The following CCSER1 variants were observed in gnomAD, a reference collection of about 807,000 sequenced individuals.
CCSER1 encodes serine-rich coiled-coil domain-containing protein 1.
In CCSER1, 41 loss-of-function variants were observed where a neutral mutation model predicts 82.0. That is an observed-to-expected ratio of 0.50 (90% confidence interval 0.39 to 0.65). The LOEUF (loss-of-function observed/expected upper bound fraction) is 0.65, where lower values mean the gene tolerates loss of function less well. Ranked by LOEUF, CCSER1 falls within the 30% of genes least tolerant of loss-of-function variation. The pLI is 0.00. For synonymous variants in CCSER1, 414 were observed against 383.9 expected (o/e 1.08, Z -0.92); for missense variants, 1,119 against 1,064.2 (o/e 1.05, Z -0.72).
At chr4:91,121,773 C>T (rs577075427) in intron 10 of CCSER1, among the ~76,000 whole-genome samples, 1 of 151,596 alleles carries the variant, frequency 6.6e-6, no homozygotes, top group South Asian at 2.1e-4. Context: ...TATGCTAGCA[C>T]TATAGTTATC....
chr4:90,636,002 AAAT>A (rs1368156060), intron 6 of CCSER1, among the ~76,000 whole-genome samples: 1 of 151,858 alleles, frequency 6.6e-6, no homozygotes, highest in Non-Finnish European at 1.5e-5. Flanking sequence ...AATTAAAAAC[AAAT>A]AATAAGCCCA....
Position 91,452,755 on chromosome 4 carries a change from C to T in CCSER1, c.2218-145817C>T, listed in dbSNP as rs1448603390. 2.0e-5 allele frequency among the ~76,000 whole-genome samples: 3 copies of T among 152,054 alleles called. No homozygotes were observed. The East Asian group carries it at 5.8e-4, about 29-fold the overall frequency. ...AAGCTAATAAAGACTGGAGACCTCA[C>T]TTTGTTCTTGACAAGCACTGTTGAG... is the stretch of plus-strand genomic sequence containing the variant. On this transcript the variant is annotated intron_variant, in intron 10 of 10. Transcript: ENST00000509176.
At chr4:90,333,045 TTGTC>T (rs1739615543) in intron 3 of CCSER1, among the ~76,000 whole-genome samples, 1 of 152,182 alleles carries the variant, frequency 6.6e-6, no homozygotes, top group African/African-American at 2.4e-5. Flanking sequence ...TAATTCATGA[TTGTC>T]TGGTTTTTCA....
chr4:90,508,896 G>T (rs898902907), intron 5 of CCSER1, among the ~76,000 whole-genome samples: 1 of 151,926 alleles, frequency 6.6e-6, no homozygotes, highest in Admixed American at 6.6e-5. Flanking sequence ...TAAATTTGGG[G>T]TATCTGATTT....
At chr4:90,453,671 C>T (rs923673480) in intron 4 of CCSER1, among the ~76,000 whole-genome samples, 15 of 152,126 alleles carry the variant, frequency 9.9e-5, no homozygotes. Flanking sequence ...GCCAAAATAT[C>T]CCTGCCCAAG....
intron 1 of CCSER1, among the ~76,000 whole-genome samples, chr4:90,180,231 G>GT (rs1733481054): frequency 6.6e-6 from 1 of 151,796 alleles, no homozygotes; most frequent in Admixed American, 6.6e-5. Context: ...ACTGCAGACA[G>GT]TTTTTTAGAG....
At chr4:91,386,225 T>A (rs1293921599) in intron 10 of CCSER1, among the ~76,000 whole-genome samples, 3 of 151,850 alleles carry the variant, frequency 2.0e-5, no homozygotes, top group Non-Finnish European at 4.4e-5. Context: ...TGATGTCAGA[T>A]AATAAATGTT....
At chr4:91,168,347 G>A (rs1474028734) in intron 10 of CCSER1, among the ~76,000 whole-genome samples, 1 of 145,222 alleles carries the variant, frequency 6.9e-6, no homozygotes, top group Non-Finnish European at 1.5e-5. Context: ...GGGAAGTGAG[G>A]AGCGCCTCTG....
chr4:90,560,445 G>A (rs1778634678), intron 5 of CCSER1, among the ~76,000 whole-genome samples: 1 of 152,072 alleles, frequency 6.6e-6, no homozygotes. Flanking sequence ...GCTCCAAAAT[G>A]CCCAGTCCAG....
At chr4:91,074,640 C>T (rs1187156599) in intron 9 of CCSER1, among the ~76,000 whole-genome samples, 1 of 152,130 alleles carries the variant, frequency 6.6e-6, no homozygotes, top group Non-Finnish European at 1.5e-5. Context: ...GTTCAAGTCC[C>T]CAAACTGACA....
chr4:91,440,496 A>T (rs1755045009), intron 10 of CCSER1, among the ~76,000 whole-genome samples: 1 of 152,220 alleles, frequency 6.6e-6, no homozygotes, highest in South Asian at 2.1e-4. Context: ...TTATAGCACT[A>T]AATGCCCACA....
At chr4:90,812,182 T>G (rs1758439919) in intron 7 of CCSER1, among the ~76,000 whole-genome samples, 1 of 149,908 alleles carries the variant, frequency 6.7e-6, no homozygotes, top group Non-Finnish European at 1.5e-5. Context: ...TAGGCCACTC[T>G]CTCTTTTCAC....
At chr4:91,110,116 C>A (rs939229779) in intron 10 of CCSER1, among the ~76,000 whole-genome samples, 1 of 151,908 alleles carries the variant, frequency 6.6e-6, no homozygotes, top group Non-Finnish European at 1.5e-5. Flanking sequence ...CAAACCATAT[C>A]ATCAGTGTTG....
intron 1 of CCSER1, among the ~76,000 whole-genome samples, chr4:90,208,891 A>G (rs952924618): frequency 6.6e-6 from 1 of 152,130 alleles, no homozygotes; most frequent in African/African-American, 2.4e-5. Flanking sequence ...AAATGCAAAA[A>G]TCACCTGCCT....
intron 7 of CCSER1, among the ~76,000 whole-genome samples, chr4:90,728,135 G>A (rs1289670273): frequency 6.6e-6 from 1 of 152,060 alleles, no homozygotes; most frequent in Non-Finnish European, 1.5e-5. Flanking sequence ...ATGCCTAGAG[G>A]GATTGTCACA....
chr4:90,413,787 C>CA (rs546585733), intron 4 of CCSER1, among the ~76,000 whole-genome samples: 12,691 of 138,472 alleles, frequency 0.092, 924 homozygotes, highest in African/African-American at 0.2. Context: ...ACTAAAAATA[C>CA]AAAAAAAAAA....
At chr4:90,612,478 G>A (rs1278294535) in intron 5 of CCSER1, among the ~76,000 whole-genome samples, 1 of 152,030 alleles carries the variant, frequency 6.6e-6, no homozygotes, top group Non-Finnish European at 1.5e-5. Flanking sequence ...AGAAACTTAG[G>A]CAGTATAAGA....
intron 1 of CCSER1, among the ~76,000 whole-genome samples, chr4:90,167,458 C>A (rs1165577186): frequency 6.6e-6 from 1 of 151,834 alleles, no homozygotes; most frequent in Non-Finnish European, 1.5e-5. Context: ...TGGTTTGGGA[C>A]AATTTTATTT....
At chr4:90,426,142 G>C (rs373744417) in intron 4 of CCSER1, among the ~76,000 whole-genome samples, 1 of 152,130 alleles carries the variant, frequency 6.6e-6, no homozygotes, top group Non-Finnish European at 1.5e-5. Context: ...TGGCAGAGTA[G>C]GGAGTCAGTG....
Sources: allele counts gnomAD v4.1 joint callset (sites outside exome capture counted in the v4.1 genomes callset), GRCh38; gene constraint gnomAD v4.1.1; transcripts MANE v1.5; gene names NCBI Gene and HGNC (gene_info 2026-07-23, HGNC 2026-07-21).